The following PTPRD variants were observed in gnomAD, a reference collection of about 807,000 sequenced individuals.
PTPRD encodes the protein receptor-type tyrosine-protein phosphatase delta.
PTPRD carries 34 observed loss-of-function variants against 214.5 expected under a neutral mutation model. That is an observed-to-expected ratio of 0.16 (90% CI 0.12 to 0.21). The LOEUF (loss-of-function observed/expected upper bound fraction) is 0.21, where lower values mean the gene tolerates loss of function less well. Among genes scored for constraint, PTPRD ranks in the 10% least tolerant of loss-of-function variants. The pLI is 1.00. For missense variants in PTPRD, 2,545 were observed against 2,398.7 expected (o/e 1.06, Z -1.27); for synonymous variants, 1,128 against 845.7 (o/e 1.33, Z -5.79).
intron 7 of PTPRD, among the ~76,000 whole-genome samples, chr9:9,692,809 T>A (rs556563223): frequency 1.3e-5 from 2 of 152,090 alleles, no homozygotes; most frequent in East Asian, 3.9e-4. Context: ...ATTTCTTTCA[T>A]CAGTGTTTTA....
At chr9:8,427,581 G>A (rs1027191569) in intron 35 of PTPRD, among the ~76,000 whole-genome samples, 1 of 152,068 alleles carries the variant, frequency 6.6e-6, no homozygotes, top group South Asian at 2.1e-4. Context: ...AATGACTGGA[G>A]AGTAAGAAAG....
intron 33 of PTPRD, among the ~76,000 whole-genome samples, chr9:8,453,752 C>A (rs891263735): frequency 3.3e-5 from 5 of 152,106 alleles, no homozygotes; most frequent in Non-Finnish European, 5.9e-5. Flanking sequence ...GGGCCAATGC[C>A]TAGACTTTCT....
intron 5 of PTPRD, among the ~76,000 whole-genome samples, chr9:9,878,538 T>C (rs1161012499): frequency 6.6e-6 from 1 of 152,186 alleles, no homozygotes; most frequent in Non-Finnish European, 1.5e-5. Flanking sequence ...AACCTGAATG[T>C]AAGAGACTTG....
chr9:8,507,184 CT>C, intron 22 of PTPRD, 116 bp downstream of exon 22: 2 of 1,182,456 alleles, frequency 1.7e-6, no homozygotes, highest in Non-Finnish European at 1.1e-6. Context: ...ATTAGTAAAT[CT>C]TTTCCATCAA....
intron 2 of PTPRD, among the ~76,000 whole-genome samples, chr9:10,348,246 A>T (rs1323493): frequency 0.66 from 100,026 of 152,006 alleles, 34,927 homozygotes; most frequent in African/African-American, 0.89. Context: ...AGGATTGGTC[A>T]GAGCTTCTAA....
chr9:8,960,067 T>A (rs1399807168), intron 11 of PTPRD, among the ~76,000 whole-genome samples: 1 of 152,036 alleles, frequency 6.6e-6, no homozygotes, highest in African/African-American at 2.4e-5. Context: ...CTTTCAGAAA[T>A]TAGATGCCTT....
At chr9:8,706,070 C>G (rs1377711095) in intron 12 of PTPRD, among the ~76,000 whole-genome samples, 1 of 152,158 alleles carries the variant, frequency 6.6e-6, no homozygotes, top group Non-Finnish European at 1.5e-5. Flanking sequence ...TCCCAAAGAA[C>G]TGCCAGACTC....
chr9:10,049,821 T>C (rs1009537722), intron 3 of PTPRD, among the ~76,000 whole-genome samples: 5 of 152,192 alleles, frequency 3.3e-5, no homozygotes, highest in African/African-American at 1.2e-4. Context: ...GCCAAGTCCT[T>C]GTACTTATCT....
chr9:9,302,712 C>G (rs777331130), intron 9 of PTPRD, among the ~76,000 whole-genome samples: 8 of 147,988 alleles, frequency 5.4e-5, no homozygotes, highest in Non-Finnish European at 1.2e-4. Flanking sequence ...CTTCTTTACT[C>G]AGCTCTGATA....
At chr9:8,324,077 C>T (rs1475814110) in intron 44 of PTPRD, among the ~76,000 whole-genome samples, 2 of 151,786 alleles carry the variant, frequency 1.3e-5, no homozygotes, top group East Asian at 1.9e-4. Context: ...TTAAAACTTA[C>T]CGGAGGCTCA....
At position 8,344,670 on chromosome 9, in the gene PTPRD, G is replaced by A. The variant is rs10976976; in HGVS notation, c.4662-2692C>T. On this transcript the variant is annotated intron_variant, in intron 39 of 45. Coordinates refer to ENST00000381196, the MANE Select transcript of PTPRD (RefSeq NM_002839.4). ...TTAATGTGTTACCTTCTTCTAGGAT[G>A]AAGAATTCTTGAGGGATTTAAACAT... 5.7e-4 allele frequency among the ~76,000 whole-genome samples: 87 copies of A among 152,128 alleles called. No homozygotes were observed. In the East Asian group the frequency reaches 8.9e-3, roughly 16 times the overall value.
intron 7 of PTPRD, among the ~76,000 whole-genome samples, chr9:9,722,220 A>G (rs1174616327): frequency 1.3e-5 from 2 of 152,060 alleles, no homozygotes; most frequent in Non-Finnish European, 2.9e-5. Flanking sequence ...AAGAAATCCT[A>G]TACTTATCAG....
At chr9:8,319,190 A>G (rs1470384477) in intron 45 of PTPRD, among the ~76,000 whole-genome samples, 1 of 152,098 alleles carries the variant, frequency 6.6e-6, no homozygotes, top group Non-Finnish European at 1.5e-5. Flanking sequence ...TATAAGTTGT[A>G]TAATTTGGTG....
At chr9:8,843,149 G>C (rs148753751) in intron 11 of PTPRD, among the ~76,000 whole-genome samples, 126 of 152,234 alleles carry the variant, frequency 8.3e-4, no homozygotes, top group African/African-American at 3.0e-3. Flanking sequence ...CAACAGAAAA[G>C]ACTCCCTGGG....
intron 35 of PTPRD, among the ~76,000 whole-genome samples, chr9:8,420,807 T>C (rs1048536554): frequency 6.7e-5 from 8 of 119,572 alleles, no homozygotes; most frequent in Admixed American, 2.8e-4. Flanking sequence ...ATTTTTCTTT[T>C]TTTTTTTTTT....
chr9:9,886,325 C>T (rs936084556), intron 5 of PTPRD, among the ~76,000 whole-genome samples: 6 of 152,030 alleles, frequency 3.9e-5, no homozygotes, highest in African/African-American at 2.4e-5. Flanking sequence ...CTTTAATTCA[C>T]GGGCATTTAC....
chr9:9,304,196 G>C (rs922650653), intron 9 of PTPRD, among the ~76,000 whole-genome samples: 3 of 152,086 alleles, frequency 2.0e-5, no homozygotes, highest in African/African-American at 7.2e-5. Context: ...TTATAAATTA[G>C]ATCATAATTG....
At chr9:8,405,624 C>T (rs2092897237) in intron 35 of PTPRD, among the ~76,000 whole-genome samples, 1 of 152,086 alleles carries the variant, frequency 6.6e-6, no homozygotes, top group African/African-American at 2.4e-5. Context: ...CTACTGATAA[C>T]ATTTAAGATT....
chr9:8,746,241 T>C (rs1207237234), intron 11 of PTPRD, among the ~76,000 whole-genome samples: 1 of 152,134 alleles, frequency 6.6e-6, no homozygotes, highest in Admixed American at 6.5e-5. Context: ...GAGTGCACTT[T>C]ATTACGAAGT....
Sources: allele counts gnomAD v4.1 joint callset (sites outside exome capture counted in the v4.1 genomes callset), GRCh38; gene constraint gnomAD v4.1.1; transcripts MANE v1.5; gene names NCBI Gene and HGNC (gene_info 2026-07-23, HGNC 2026-07-21).